Variants in CRTC1 observed in about 807,000 individuals in gnomAD.
CRTC1 encodes CREB regulated transcription coactivator 1.
In CRTC1, 18 loss-of-function variants were observed where a neutral mutation model predicts 66.1. The ratio of observed to expected loss-of-function variants is 0.27; its 90% CI spans 0.19 to 0.40. CRTC1 has a LOEUF of 0.40. CRTC1 is among the 10% of genes least tolerant of loss of function. CRTC1 has a pLI of 1.00. For missense variants in CRTC1, 669 were observed against 887.9 expected, an observed-to-expected ratio of 0.75 and a Z score of 3.13; for synonymous variants, 416 against 398.8, an observed-to-expected ratio of 1.04 and a Z score of -0.51.
chr19:18,694,885 A>G (rs1600759799), intron 1 of CRTC1, among the ~76,000 whole-genome samples: 1 of 148,788 alleles, frequency 6.7e-6, no homozygotes, highest in Admixed American at 6.7e-5. Flanking sequence ...TCCCACTTTC[A>G]GCGACCTCTT....
At chr19:18,766,725 G>C (rs1277880514) in intron 9 of CRTC1, among the ~76,000 whole-genome samples, 2 of 152,154 alleles carry the variant, frequency 1.3e-5, no homozygotes, top group Non-Finnish European at 2.9e-5. Context: ...GGGACTATAG[G>C]CGTGAGCCAC....
intron 1 of CRTC1, among the ~76,000 whole-genome samples, chr19:18,685,438 C>T (rs1219158531): frequency 1.3e-5 from 2 of 151,996 alleles, no homozygotes; most frequent in Non-Finnish European, 2.9e-5. Context: ...CAGTGGATCA[C>T]CTGAGGTTAG....
intron 1 of CRTC1, among the ~76,000 whole-genome samples, chr19:18,695,749 C>T (rs1173129017): frequency 6.6e-6 from 1 of 152,100 alleles, no homozygotes; most frequent in Non-Finnish European, 1.5e-5. Context: ...CCTGTGGTCC[C>T]AGCTACTCGG....
intron 1 of CRTC1, among the ~76,000 whole-genome samples, chr19:18,725,762 C>T (rs978633243): frequency 1.8e-4 from 27 of 152,184 alleles, no homozygotes; most frequent in African/African-American, 6.5e-4. Context: ...TCAGGTATTC[C>T]GCCACCTTCC....
chr19:18,727,702 A>G (rs1219540086), intron 1 of CRTC1, among the ~76,000 whole-genome samples: 2 of 151,472 alleles, frequency 1.3e-5, no homozygotes, highest in Non-Finnish European at 2.9e-5. Context: ...AACAGCTGGG[A>G]GAGAGGCCAC....
chr19:18,768,733 T>C lies in CRTC1; in HGVS notation c.1260T>C (p.Ser420=), dbSNP rs1294828148. ...PPPLAVTVPS[S]LPQSPPENPG... is the part of the protein sequence containing the mutation. ...CGCTTGCAGTCACGGTACCGTCCTC[T>C]CTCCCCCAGTCCCCCCCAGAGAACC... The change falls in exon 10 of 14, where the codon TCT becomes TCC. Residue 420 remains serine (S), a synonymous_variant. Transcript: ENST00000321949. This position sits in a 1 kb window ranked among gnomAD's most constrained non-coding sequence, Gnocchi z 5.6. The C allele has an allele frequency of 2.5e-6, 4 of 1,598,132 alleles. No individual in the cohort carries two copies. Among genetic ancestry groups the C allele is most frequent in the African/African-American group, 2.7e-5 (2 of 74,064 alleles).
In CRTC1 at chr19:18,777,513, G is replaced by T. The variant is rs766131928; in HGVS notation, c.*131G>T. 1.2e-6 allele frequency: 1 copy of T among 846,042 alleles called. No homozygotes were observed. Among genetic ancestry groups the T allele is most frequent in the East Asian group, 2.6e-5 (1 of 39,132 alleles). 52.4% of individuals were successfully genotyped at this position (846,042 alleles called of 1,614,324 possible). On this transcript the variant is annotated 3_prime_UTR_variant, in exon 14 of 14. Coordinates refer to ENST00000321949, the MANE Select transcript of CRTC1 (RefSeq NM_015321.3). This position sits in a 1 kb window ranked among gnomAD's most constrained non-coding sequence, Gnocchi z 5.5. ...CTTGCAATGCCGCCAAGCGCCCCCC[G>T]CCAGCCCGCCCCCGGTTGTCCACCT... is the stretch of plus-strand genomic sequence containing the variant.
intron 1 of CRTC1, among the ~76,000 whole-genome samples, chr19:18,701,117 GC>G (rs896204483): frequency 6.6e-6 from 1 of 152,246 alleles, no homozygotes; most frequent in Non-Finnish European, 1.5e-5. Context: ...TCGGCAAGGA[GC>G]CCGCTAATCC....
At chr19:18,720,990 G>T (rs931349316) in intron 1 of CRTC1, among the ~76,000 whole-genome samples, 2 of 152,152 alleles carry the variant, frequency 1.3e-5, no homozygotes, top group African/African-American at 4.8e-5. Flanking sequence ...TTCAGTGCAG[G>T]TGTCGGCAGG....
intron 1 of CRTC1, among the ~76,000 whole-genome samples, chr19:18,689,962 A>G (rs990963578): frequency 6.6e-6 from 1 of 151,716 alleles, no homozygotes; most frequent in Admixed American, 6.6e-5. Context: ...TGGTGTGAGC[A>G]TCCGCTGCAG....
intron 6 of CRTC1, among the ~76,000 whole-genome samples, chr19:18,759,279 T>G (rs2145802754): frequency 6.6e-6 from 1 of 152,338 alleles, no homozygotes; most frequent in South Asian, 2.1e-4. Context: ...GACTGCCCAC[T>G]GAGGGCAGGA....
At chr19:18,738,043 G>A (rs1026069810) in intron 1 of CRTC1, among the ~76,000 whole-genome samples, 1 of 152,144 alleles carries the variant, frequency 6.6e-6, no homozygotes, top group Non-Finnish European at 1.5e-5. Context: ...ACTGGAGTGG[G>A]GCACGGTGGC....
intron 1 of CRTC1, among the ~76,000 whole-genome samples, chr19:18,710,327 C>T (rs951344236): frequency 6.6e-6 from 1 of 152,224 alleles, no homozygotes; most frequent in Non-Finnish European, 1.5e-5. Flanking sequence ...GTGGACTCCC[C>T]GTTCCTCGAC....
Position 18,708,899 on chromosome 19 carries a change from C to T in CRTC1, c.126+25071C>T, listed in dbSNP as rs955134565. ...GGCAAGCCCAGAGCTGTGCTCAGTTCAGGCAGCCGTGTGGCCACCCTGGTG... is the reference window on the plus strand; with the variant it reads ...GGCAAGCCCAGAGCTGTGCTCAGTTTAGGCAGCCGTGTGGCCACCCTGGTG... On this transcript the variant is annotated intron_variant, in intron 1 of 13. Transcript: ENST00000321949. Among the ~76,000 whole-genome samples, 4 of 152,204 alleles carry T rather than the reference C, an allele frequency of 2.6e-5. No homozygotes were observed. The South Asian group carries it at 8.3e-4, about 31-fold the overall frequency.
chr19:18,730,902 G>A (rs2053872406), intron 1 of CRTC1, among the ~76,000 whole-genome samples: 1 of 152,174 alleles, frequency 6.6e-6, no homozygotes, highest in Non-Finnish European at 1.5e-5. Flanking sequence ...GGAGCTTGGA[G>A]AGGGAAGGGC....
At chr19:18,744,834 T>G (rs1381092890) in intron 2 of CRTC1, among the ~76,000 whole-genome samples, 1 of 152,094 alleles carries the variant, frequency 6.6e-6, no homozygotes, top group Non-Finnish European at 1.5e-5. Flanking sequence ...TCCCCAGGGC[T>G]GGGGACAGTA....
At chr19:18,727,435 G>C (rs1378003688) in intron 1 of CRTC1, among the ~76,000 whole-genome samples, 4 of 151,466 alleles carry the variant, frequency 2.6e-5, no homozygotes, top group African/African-American at 9.7e-5. Context: ...CAAAAAATTA[G>C]TTGGGTATGG....
chr19:18,766,623 T>C (rs1234011752), intron 9 of CRTC1, among the ~76,000 whole-genome samples: 1 of 151,706 alleles, frequency 6.6e-6, no homozygotes. Context: ...TTAAAAAAAA[T>C]AATAATAGAG....
At chr19:18,707,899 AT>A (rs1174288630) in intron 1 of CRTC1, among the ~76,000 whole-genome samples, 14 of 152,376 alleles carry the variant, frequency 9.2e-5, no homozygotes, top group African/African-American at 3.4e-4. Context: ...GGGCAAGCCC[AT>A]AATTGGCCCC....
Sources: allele counts gnomAD v4.1 joint callset (sites outside exome capture counted in the v4.1 genomes callset), GRCh38; gene constraint gnomAD v4.1.1; non-coding constraint Gnocchi (gnomAD v3.1); transcripts MANE v1.5; gene names NCBI Gene and HGNC (gene_info 2026-07-23, HGNC 2026-07-21).